The following NBEA variants were observed in gnomAD, a reference collection of about 807,000 sequenced individuals.
The protein encoded by NBEA is neurobeachin.
Under a neutral mutation model 343.4 loss-of-function variants are expected in NBEA, and 44 were observed. The observed-to-expected ratio is 0.13, with a 90% CI of 0.10 to 0.16. The LOEUF (loss-of-function observed/expected upper bound fraction) is 0.16, where lower values mean the gene tolerates loss of function less well. NBEA is among the 10% of genes least tolerant of loss of function. The pLI is 1.00. For synonymous variants in NBEA, 1,175 were observed against 1,238.7 expected (o/e 0.95, Z 1.08); for missense variants, 2,555 against 3,631.3 (o/e 0.70, Z 7.62).
At chr13:35,215,917 T>A (rs964910640) in intron 33 of NBEA, among the ~76,000 whole-genome samples, 1 of 151,582 alleles carries the variant, frequency 6.6e-6, no homozygotes, top group Admixed American at 6.6e-5. Flanking sequence ...TTTGTTATTT[T>A]TGTCTTCAAT....
intron 30 of NBEA, among the ~76,000 whole-genome samples, chr13:35,188,805 T>C (rs1168635414): frequency 6.6e-6 from 1 of 152,050 alleles, no homozygotes; most frequent in African/African-American, 2.4e-5. Context: ...AGAATCTCAA[T>C]ACCATTTTCC....
chr13:35,656,942 G>A (rs2084839688), intron 55 of NBEA, among the ~76,000 whole-genome samples: 1 of 152,180 alleles, frequency 6.6e-6, no homozygotes, highest in Non-Finnish European at 1.5e-5. Context: ...TACATTGCGT[G>A]GCTGGCTGCT....
At chr13:35,572,064 A>G (rs1314891678) in intron 45 of NBEA, among the ~76,000 whole-genome samples, 3 of 152,156 alleles carry the variant, frequency 2.0e-5, no homozygotes, top group Non-Finnish European at 2.9e-5. Flanking sequence ...ATTGTTTGAC[A>G]TGAGGGTCAA....
At chr13:35,330,881 C>A (rs1834835847) in intron 36 of NBEA, among the ~76,000 whole-genome samples, 3 of 152,018 alleles carry the variant, frequency 2.0e-5, no homozygotes, top group Admixed American at 2.0e-4. Flanking sequence ...TAGCCTGCTA[C>A]ATATACCATC....
intron 33 of NBEA, among the ~76,000 whole-genome samples, chr13:35,230,780 C>A (rs2074925051): frequency 6.6e-6 from 1 of 151,986 alleles, no homozygotes; most frequent in Admixed American, 6.6e-5. Context: ...TAAATACTCT[C>A]ATTAAAACAG....
chr13:35,551,481 G>C (rs552801743), intron 43 of NBEA, among the ~76,000 whole-genome samples: 51 of 152,196 alleles, frequency 3.4e-4, no homozygotes, highest in African/African-American at 1.2e-3. Flanking sequence ...TGGTATAGTT[G>C]TAACCACATT....
At chr13:35,054,238 C>T (rs1246777091) in intron 6 of NBEA, among the ~76,000 whole-genome samples, 1 of 152,050 alleles carries the variant, frequency 6.6e-6, no homozygotes, top group African/African-American at 2.4e-5. Flanking sequence ...AGATAGCATT[C>T]TGATTGAATA....
chr13:35,322,515 G>A (rs192166379), intron 36 of NBEA, among the ~76,000 whole-genome samples: 12 of 152,138 alleles, frequency 7.9e-5, no homozygotes, highest in South Asian at 2.1e-4. Flanking sequence ...GAAATCAACC[G>A]CCTTCTGGGT....
chr13:35,403,050 G>A (rs1046296593), intron 38 of NBEA, among the ~76,000 whole-genome samples: 1 of 152,002 alleles, frequency 6.6e-6, no homozygotes, highest in Non-Finnish European at 1.5e-5. Context: ...CCATAAGCAT[G>A]TTTAACACTT....
intron 49 of NBEA, among the ~76,000 whole-genome samples, chr13:35,638,453 G>A (rs979344704): frequency 1.3e-5 from 2 of 152,174 alleles, no homozygotes; most frequent in African/African-American, 4.8e-5. Context: ...AGGAGTACTG[G>A]CCAGGCACTG....
chr13:35,608,228 C>T (rs1464894778), intron 48 of NBEA, among the ~76,000 whole-genome samples: 3 of 151,932 alleles, frequency 2.0e-5, no homozygotes, highest in African/African-American at 7.2e-5. Flanking sequence ...TTGCATAAGT[C>T]TTATTGCCAA....
At chr13:35,088,691 G>T (rs1157270334) in intron 10 of NBEA, among the ~76,000 whole-genome samples, 5 of 151,726 alleles carry the variant, frequency 3.3e-5, no homozygotes, top group African/African-American at 7.3e-5. Context: ...AAACAGCATG[G>T]TACCGGTACC....
Position 35,646,187 on chromosome 13 carries a change from G to A in NBEA, c.7681-72G>A, listed in dbSNP as rs2274203. On this transcript the variant is annotated intron_variant, in intron 50 of 58. Transcript: ENST00000379939. ...CATGGCTGACTTGGGATACACTTGC[G>A]TTGTCAAAGAGTGTGTTGGCCTCTC... 1.5e-4 allele frequency: 178 copies of A among 1,175,324 alleles called. 1 individual carries two copies. The East Asian group carries it at 3.7e-3, about 25-fold the overall frequency. 72.8% of individuals were successfully genotyped at this position (1,175,324 alleles called of 1,614,324 possible). A position where few individuals can be genotyped will look rare whatever the true frequency, so the allele number is the denominator to read the frequency against.
chr13:35,576,765 A>G (rs565092738), intron 45 of NBEA, among the ~76,000 whole-genome samples: 2 of 152,320 alleles, frequency 1.3e-5, no homozygotes, highest in Admixed American at 1.3e-4. Flanking sequence ...TTTCCCCACA[A>G]GAAATTTATA....
Position 35,536,669 on chromosome 13 carries a change from T to C in NBEA, c.6586-13808T>C, listed in dbSNP as rs75281025. Among the ~76,000 whole-genome samples, 177 of 151,764 alleles carry C rather than the reference T, an allele frequency of 1.2e-3. 1 individual carries two copies. The highest frequency in any genetic ancestry group is 3.7e-3 in the African/African-American group (154 of 41,226). ...GATGATAGATAGATAGATAGATAGA[T>C]AGACAGACAGACAGACAGTCAGTCC... On this transcript the variant is annotated intron_variant, in intron 41 of 58. Coordinates refer to ENST00000379939, the MANE Select transcript of NBEA (RefSeq NM_001385012.1).
intron 33 of NBEA, among the ~76,000 whole-genome samples, chr13:35,214,922 T>A (rs959414277): frequency 6.6e-6 from 1 of 151,710 alleles, no homozygotes; most frequent in African/African-American, 2.4e-5. Flanking sequence ...TATATTAATG[T>A]TTTAGTACCA....
intron 1 of NBEA, among the ~76,000 whole-genome samples, chr13:34,944,247 G>A (rs1468487538): frequency 6.6e-6 from 1 of 152,108 alleles, no homozygotes; most frequent in Admixed American, 6.5e-5. Flanking sequence ...GCTTACAGGG[G>A]TACTTTGTAA....
At chr13:35,039,475 T>A (rs58187189) in intron 1 of NBEA, among the ~76,000 whole-genome samples, 6,565 of 152,246 alleles carry the variant, frequency 0.043, 254 homozygotes, top group African/African-American at 0.099. Flanking sequence ...AATATTCTTA[T>A]ATGAGATTGT....
At chr13:35,657,693 T>G (rs1392154456) in intron 55 of NBEA, among the ~76,000 whole-genome samples, 2 of 152,212 alleles carry the variant, frequency 1.3e-5, no homozygotes, top group Non-Finnish European at 2.9e-5. Context: ...TTAAAAAGTT[T>G]AATTAAGCAG....
Sources: gnomAD v4.1 joint callset for allele counts (sites outside exome capture counted in the v4.1 genomes callset) on GRCh38, gnomAD v4.1.1 for gene constraint, MANE v1.5 for transcripts, NCBI Gene and HGNC (gene_info 2026-07-23, HGNC 2026-07-21) for gene names.